IL1RAPL1: variants seen among roughly 807,000 people sequenced by gnomAD.
IL1RAPL1 encodes interleukin 1 receptor accessory protein like 1, also known as interleukin-1 receptor accessory protein-like 1.
A neutral mutation model predicts 48.4 loss-of-function variants in IL1RAPL1; 3 were observed. The observed-to-expected ratio is 0.06, with a 90% CI of 0.03 to 0.16. IL1RAPL1 has a LOEUF of 0.16. IL1RAPL1 is among the 10% of genes least tolerant of loss of function. IL1RAPL1 has a pLI of 1.00. For missense variants in IL1RAPL1, 349 were observed against 530.6 expected, an observed-to-expected ratio of 0.66 and a Z score of 3.36; for synonymous variants, 185 against 187.7, an observed-to-expected ratio of 0.99 and a Z score of 0.12.
At chrX:29,431,846 G>T (rs1207675205) in intron 5 of IL1RAPL1, among the ~76,000 whole-genome samples, 3 of 110,874 alleles carry the variant, frequency 2.7e-5, no homozygotes, top group African/African-American at 9.8e-5. Context: ...ATCATTAGTG[G>T]GAATTAGAAG....
At chrX:29,783,104 C>T (rs1032143522) in intron 6 of IL1RAPL1, among the ~76,000 whole-genome samples, 6 of 107,500 alleles carry the variant, frequency 5.6e-5, no homozygotes, top group African/African-American at 1.7e-4. Context: ...TGGGGTTTCA[C>T]CGTTTTAGCC....
At chrX:28,713,968 T>C (rs1448092066) in intron 1 of IL1RAPL1, among the ~76,000 whole-genome samples, 6 of 112,204 alleles carry the variant, frequency 5.3e-5, no homozygotes, top group Admixed American at 9.5e-5. Context: ...AATAGACATG[T>C]CTTGTAAAGG....
At chrX:29,664,381 G>A (rs1925937818) in intron 5 of IL1RAPL1, among the ~76,000 whole-genome samples, 1 of 94,241 alleles carries the variant, frequency 1.1e-5, no homozygotes, top group South Asian at 5.1e-4. Context: ...TCCGGCCTGG[G>A]CAACAGAGCG....
rs762273950 is a variant in IL1RAPL1 at position 29,620,759 on chromosome X, C to T, written c.704-47671C>T. On this transcript the variant is annotated intron_variant, in intron 5 of 10. Transcript: ENST00000378993. ...ATTTTAAGAAGACAAATAAAAATGC[C>T]TGGAGAGAAAAAATATTTTACTCAT... Among the ~76,000 whole-genome samples the T allele has an allele frequency of 9.0e-5, 10 of 111,634 alleles. No homozygotes were observed. The South Asian group carries it at 3.7e-3, about 42-fold the overall frequency.
At chrX:29,810,972 A>C (rs1385761484) in intron 6 of IL1RAPL1, among the ~76,000 whole-genome samples, 1 of 111,751 alleles carries the variant, frequency 8.9e-6, no homozygotes, top group Non-Finnish European at 1.9e-5. Context: ...ATTTCGAATG[A>C]TTTAAATATC....
intron 2 of IL1RAPL1, among the ~76,000 whole-genome samples, chrX:28,852,932 C>G (rs1288418639): frequency 2.7e-5 from 3 of 110,204 alleles, no homozygotes; most frequent in African/African-American, 9.9e-5. Flanking sequence ...CACAATCCAT[C>G]TAGTACACTG....
At chrX:29,380,728 G>A (rs867809005) in intron 3 of IL1RAPL1, among the ~76,000 whole-genome samples, 3 of 112,221 alleles carry the variant, frequency 2.7e-5, no homozygotes, top group Admixed American at 9.5e-5. Flanking sequence ...TTACTGGTCA[G>A]TGGGGCAGCA....
chrX:29,306,860 C>CAAAA (rs1168897352), intron 3 of IL1RAPL1, among the ~76,000 whole-genome samples: 4 of 28,670 alleles, frequency 1.4e-4, no homozygotes, highest in Non-Finnish European at 2.0e-4. Flanking sequence ...GACTCTGTCT[C>CAAAA]AAAAAAAAAA....
At chrX:29,874,373 A>C (rs1191691434) in intron 6 of IL1RAPL1, among the ~76,000 whole-genome samples, 2 of 112,286 alleles carry the variant, frequency 1.8e-5, no homozygotes, top group African/African-American at 6.5e-5. Flanking sequence ...AAAGTATTCT[A>C]TATTTTAAAC....
At chrX:29,202,052 C>T (rs1930566945) in intron 2 of IL1RAPL1, among the ~76,000 whole-genome samples, 1 of 112,376 alleles carries the variant, frequency 8.9e-6, no homozygotes, top group Non-Finnish European at 1.9e-5. Context: ...TTCCCTACCA[C>T]TGTAAAAGAA....
intron 6 of IL1RAPL1, among the ~76,000 whole-genome samples, chrX:29,688,258 T>C (rs936837204): frequency 2.7e-5 from 3 of 111,321 alleles, no homozygotes; most frequent in South Asian, 3.8e-4. Flanking sequence ...CCTCAGGAGG[T>C]TCTAGGAGAG....
At chrX:29,934,795 A>G (rs1240022152) in intron 8 of IL1RAPL1, among the ~76,000 whole-genome samples, 2 of 112,199 alleles carry the variant, frequency 1.8e-5, no homozygotes, top group Non-Finnish European at 3.8e-5. Context: ...AGAATTTTTT[A>G]TGTAACCAGG....
At chrX:29,189,183 T>G (rs1341784722) in intron 2 of IL1RAPL1, among the ~76,000 whole-genome samples, 1 of 112,340 alleles carries the variant, frequency 8.9e-6, no homozygotes, top group African/African-American at 3.2e-5. Flanking sequence ...ATAAGATGTG[T>G]CTGTGCATTT....
intron 2 of IL1RAPL1, among the ~76,000 whole-genome samples, chrX:29,085,361 T>C (rs1490611308): frequency 9.1e-6 from 1 of 110,247 alleles, no homozygotes; most frequent in Non-Finnish European, 1.9e-5. Context: ...GAAAAGAAGA[T>C]AGAGGAGGAG....
At chrX:29,489,041 A>G (rs1040463) in intron 5 of IL1RAPL1, among the ~76,000 whole-genome samples, 11,277 of 111,316 alleles carry the variant, frequency 0.1, 1,422 homozygotes, top group African/African-American at 0.35. Context: ...GGTTGGTCAC[A>G]TGAGGATTTT....
chrX:28,664,423 T>G (rs988117254), intron 1 of IL1RAPL1, among the ~76,000 whole-genome samples: 2 of 111,805 alleles, frequency 1.8e-5, no homozygotes, highest in Non-Finnish European at 3.8e-5. Context: ...TTATTTGGAG[T>G]TACTGTAAGA....
intron 5 of IL1RAPL1, among the ~76,000 whole-genome samples, chrX:29,576,935 G>A (rs1457757958): frequency 1.7e-4 from 19 of 110,894 alleles, no homozygotes; most frequent in Non-Finnish European, 3.2e-4. Flanking sequence ...TCTACTTCAA[G>A]GGCAGTGCTT....
chrX:28,847,602 G>A (rs1005447851), intron 2 of IL1RAPL1, among the ~76,000 whole-genome samples: 2 of 110,689 alleles, frequency 1.8e-5, no homozygotes, highest in Non-Finnish European at 3.8e-5. Flanking sequence ...AGGGCACAAG[G>A]CTCCTCTGTT....
chrX:28,685,861 T>C (rs1935104568), intron 1 of IL1RAPL1, among the ~76,000 whole-genome samples: 1 of 112,060 alleles, frequency 8.9e-6, no homozygotes. Context: ...CATTGATGTA[T>C]TTTTCTGAAG....
Sources: allele counts gnomAD v4.1 joint callset (sites outside exome capture counted in the v4.1 genomes callset), GRCh38; gene constraint gnomAD v4.1.1; transcripts MANE v1.5; gene names NCBI Gene and HGNC (gene_info 2026-07-23, HGNC 2026-07-21).